Variants in AKAP13 observed in about 807,000 individuals in gnomAD.
The protein encoded by AKAP13 is A-kinase anchoring protein 13.
A neutral mutation model predicts 264.5 loss-of-function variants in AKAP13; 80 were observed. The observed-to-expected ratio is 0.30, with a 90% CI of 0.25 to 0.36. The LOEUF is 0.36. Ranked by LOEUF, AKAP13 falls within the 10% of genes least tolerant of loss-of-function variation. The pLI, the probability that AKAP13 is intolerant of heterozygous loss-of-function variation, is 1.00. For synonymous variants in AKAP13, 1,380 were observed against 1,250.2 expected, an observed-to-expected ratio of 1.10 and a Z score of -2.19; for missense variants, 3,712 against 3,435.2, an observed-to-expected ratio of 1.08 and a Z score of -2.01.
chr15:85,691,937 C>G, intron 16 of AKAP13: 1 of 461,876 alleles, frequency 2.2e-6, no homozygotes, highest in Non-Finnish European at 4.3e-6. Context: ...CTTCCTGCAC[C>G]CCTAGGTACT....
At chr15:85,399,502 C>CAAAAAAAAAAAAAAAAAAAAAAAA (rs71138392) in intron 1 of AKAP13, among the ~76,000 whole-genome samples, 8 of 77,070 alleles carry the variant, frequency 1.0e-4, no homozygotes, top group African/African-American at 1.8e-4. Flanking sequence ...GACTCCGTCT[C>CAAAAAAAAAAAAAAAAAAAAAAAA]AAAAAAAAAA....
intron 1 of AKAP13, among the ~76,000 whole-genome samples, chr15:85,460,336 C>T (rs1259974954): frequency 6.6e-6 from 1 of 152,158 alleles, no homozygotes; most frequent in Admixed American, 6.5e-5. Context: ...AAGTACACAG[C>T]CCCCGATACA....
chr15:85,390,434 A>G (rs1030249328), intron 1 of AKAP13, among the ~76,000 whole-genome samples: 1 of 152,158 alleles, frequency 6.6e-6, no homozygotes, highest in Non-Finnish European at 1.5e-5. Context: ...GAGATGGGAG[A>G]ATGAACAGGG....
At chr15:85,661,919 A>G (rs1422258004) in intron 12 of AKAP13, among the ~76,000 whole-genome samples, 1 of 140,290 alleles carries the variant, frequency 7.1e-6, no homozygotes, top group African/African-American at 2.7e-5. Flanking sequence ...AAAAAAAAAA[A>G]CCGGATGACT....
intron 13 of AKAP13, among the ~76,000 whole-genome samples, chr15:85,665,836 A>G (rs920231343): frequency 6.6e-6 from 1 of 152,150 alleles, no homozygotes; most frequent in African/African-American, 2.4e-5. Flanking sequence ...AGCTTCATCC[A>G]TCTCCCTGCA....
chr15:85,604,024 G>A (rs74025631), intron 8 of AKAP13, among the ~76,000 whole-genome samples: 2,578 of 152,192 alleles, frequency 0.017, 77 homozygotes, highest in African/African-American at 0.059. Flanking sequence ...GATGTGTGTT[G>A]AGTGTCTCAA....
At chr15:85,741,888 T>C (rs1009281693) in intron 35 of AKAP13, among the ~76,000 whole-genome samples, 1 of 151,940 alleles carries the variant, frequency 6.6e-6, no homozygotes, top group African/African-American at 2.4e-5. Flanking sequence ...CTACTAAAAA[T>C]ACAGAAATTA....
At chr15:85,669,091 C>T (rs995125902) in intron 13 of AKAP13, among the ~76,000 whole-genome samples, 1 of 152,222 alleles carries the variant, frequency 6.6e-6, no homozygotes, top group South Asian at 2.1e-4. Flanking sequence ...CAAAATTTAG[C>T]TGCGCGTGGT....
intron 14 of AKAP13, among the ~76,000 whole-genome samples, chr15:85,678,700 AAAAC>A (rs1171246748): frequency 2.8e-4 from 43 of 152,042 alleles, no homozygotes; most frequent in Middle Eastern, 3.4e-3. Context: ...TGTCTCTACT[AAAAC>A]AAACAAACAA....
chr15:85,567,195 C>T (rs1392706733), intron 5 of AKAP13, among the ~76,000 whole-genome samples: 4 of 151,294 alleles, frequency 2.6e-5, no homozygotes, highest in South Asian at 4.2e-4. Context: ...GCAACCTCCA[C>T]CTCCCGGGTT....
intron 30 of AKAP13, among the ~76,000 whole-genome samples, chr15:85,732,523 T>C (rs1244373716): frequency 6.7e-6 from 1 of 150,124 alleles, no homozygotes; most frequent in African/African-American, 2.4e-5. Context: ...AAAATGTGTA[T>C]ATGAAAATTT....
rs78370765 is a variant in AKAP13, at chr15:85,393,235, G to T, written c.-12+12437G>T. 5.7e-4 allele frequency among the ~76,000 whole-genome samples: 87 copies of T among 152,320 alleles called. 2 individuals carry two copies. The East Asian group carries it at 0.014, about 25-fold the overall frequency. On this transcript the variant is annotated intron_variant, in intron 1 of 36. Coordinates refer to ENST00000394518, the MANE Select transcript of AKAP13 (RefSeq NM_007200.5). Reference sequence around the variant, plus strand: ...GAGTGTACATCCTCTTGGATGCTTTGTACACAGAGCGGCTGGGCTCAGAAT... The same window carrying T: ...GAGTGTACATCCTCTTGGATGCTTTTTACACAGAGCGGCTGGGCTCAGAAT...
In AKAP13 at chr15:85,579,610, C is replaced by T. The variant is rs780591503; in HGVS notation, c.1542C>T (p.Gly514=). 2.5e-6 allele frequency: 4 copies of T among 1,614,098 alleles called. No homozygotes were observed. In the South Asian group the frequency reaches 4.4e-5, roughly 18 times the overall value. Residue 514 remains glycine, a synonymous_variant, in exon 7 of 37, where the codon GGC becomes GGT. Coordinates refer to ENST00000394518, the MANE Select transcript of AKAP13 (RefSeq NM_007200.5). ...AAAGATTTGAGAACTCTAATATTGG[C>T]ACAGCTGGAGCCTCTGACGTGCACG... ...TKERFENSNI[G]TAGASDVHVT...
At chr15:85,740,772 A>C (rs1381275559) in intron 34 of AKAP13, among the ~76,000 whole-genome samples, 89 of 42,878 alleles carry the variant, frequency 2.1e-3, no homozygotes, top group African/African-American at 5.1e-3. Flanking sequence ...CACACACACA[A>C]CCACCCCCCC....
At chr15:85,694,735 C>A (rs1232927560) in intron 17 of AKAP13, among the ~76,000 whole-genome samples, 1 of 152,162 alleles carries the variant, frequency 6.6e-6, no homozygotes, top group Non-Finnish European at 1.5e-5. Context: ...TCAGAGGTGA[C>A]AGTCTGGAGT....
chr15:85,654,727 G>T (rs1252045548), intron 10 of AKAP13, among the ~76,000 whole-genome samples: 1 of 152,104 alleles, frequency 6.6e-6, no homozygotes, highest in East Asian at 1.9e-4. Context: ...GGGAGGCTGA[G>T]GTGGGAGGAT....
Position 85,744,884 on chromosome 15 carries a change from G to A in AKAP13, c.*207G>A. Reference sequence around the variant, plus strand: ...GAGGCCCAGACTCTGCTTCGGCCATGATTTGTGACTGCCCAGGACTCTCAG... The same window carrying A: ...GAGGCCCAGACTCTGCTTCGGCCATAATTTGTGACTGCCCAGGACTCTCAG... On this transcript the variant is annotated 3_prime_UTR_variant, in exon 37 of 37. Coordinates refer to ENST00000394518, the MANE Select transcript of AKAP13 (RefSeq NM_007200.5). The A allele has an allele frequency of 1.9e-6, 1 of 512,898 alleles. No individual in the cohort carries two copies. The highest frequency in any genetic ancestry group is 3.4e-6 in the Non-Finnish European group (1 of 293,836). The allele number at this position is 512,898 out of a possible 1,614,324, so 31.8% of individuals were successfully genotyped here.
intron 16 of AKAP13, among the ~76,000 whole-genome samples, chr15:85,687,225 A>C (rs1314516313): frequency 6.6e-6 from 1 of 152,158 alleles, no homozygotes; most frequent in Admixed American, 6.6e-5. Context: ...ACAACCTCAC[A>C]CAACCTCACA....
chr15:85,733,681 TCTTC>T (rs2088211524), intron 30 of AKAP13, among the ~76,000 whole-genome samples: 1 of 152,092 alleles, frequency 6.6e-6, no homozygotes, highest in Non-Finnish European at 1.5e-5. Context: ...GTTTAAATGG[TCTTC>T]CTTTCACCTT....
Sources: allele counts gnomAD v4.1 joint callset (sites outside exome capture counted in the v4.1 genomes callset), GRCh38; gene constraint gnomAD v4.1.1; transcripts MANE v1.5; gene names NCBI Gene and HGNC (gene_info 2026-07-23, HGNC 2026-07-21).